The following NRXN3 variants were observed in gnomAD, a reference collection of about 807,000 sequenced individuals.
The protein encoded by NRXN3 is neurexin III.
In NRXN3, 32 loss-of-function variants were observed where a neutral mutation model predicts 137.6. The ratio of observed to expected loss-of-function variants is 0.23; its 90% confidence interval spans 0.18 to 0.31. NRXN3 has a LOEUF of 0.31. Among genes scored for constraint, NRXN3 ranks in the 10% least tolerant of loss-of-function variants. The pLI is 1.00. For missense variants in NRXN3, 1,574 were observed against 2,062.5 expected (o/e 0.76, Z 4.59); for synonymous variants, 798 against 784.5 (o/e 1.02, Z -0.29).
At chr14:79,688,089 A>G (rs1352151923) in intron 17 of NRXN3, among the ~76,000 whole-genome samples, 2 of 152,146 alleles carry the variant, frequency 1.3e-5, no homozygotes, top group African/African-American at 4.8e-5. Flanking sequence ...GAATATGGTC[A>G]TCTTTTGAAT....
intron 8 of NRXN3, among the ~76,000 whole-genome samples, chr14:78,743,479 T>C (rs1438297578): frequency 6.6e-6 from 1 of 152,210 alleles, no homozygotes; most frequent in African/African-American, 2.4e-5. Flanking sequence ...CTCCAAATTC[T>C]ATTCCTTTTG....
intron 10 of NRXN3, among the ~76,000 whole-genome samples, chr14:78,828,136 T>C (rs1355782054): frequency 6.6e-6 from 1 of 152,202 alleles, no homozygotes; most frequent in Admixed American, 6.5e-5. Flanking sequence ...CTTTCCCTTC[T>C]AAATCACCAC....
At chr14:79,254,322 C>T (rs1013900629) in intron 15 of NRXN3, among the ~76,000 whole-genome samples, 4 of 152,132 alleles carry the variant, frequency 2.6e-5, no homozygotes, top group African/African-American at 9.7e-5. Context: ...GGCAGAAACT[C>T]GCTTTTAGTA....
intron 15 of NRXN3, among the ~76,000 whole-genome samples, chr14:79,115,276 G>A (rs2054228438): frequency 7.0e-6 from 1 of 143,502 alleles, no homozygotes; most frequent in Admixed American, 7.3e-5. Context: ...GGTCAGCCGA[G>A]ATTGCGCCAT....
chr14:78,591,436 A>G (rs2097115279), intron 4 of NRXN3, among the ~76,000 whole-genome samples: 1 of 152,116 alleles, frequency 6.6e-6, no homozygotes, highest in South Asian at 2.1e-4. Context: ...TGTAGTGGAC[A>G]CTGGAGGAAG....
intron 15 of NRXN3, among the ~76,000 whole-genome samples, chr14:79,088,542 A>AGTTTGG (rs1256356875): frequency 6.6e-6 from 1 of 152,112 alleles, no homozygotes; most frequent in African/African-American, 2.4e-5. Flanking sequence ...ATCCTCCTTA[A>AGTTTGG]GAAAAACAAA....
chr14:78,782,457 G>T (rs570402432), intron 8 of NRXN3, among the ~76,000 whole-genome samples: 82 of 152,158 alleles, frequency 5.4e-4, no homozygotes, highest in Non-Finnish European at 1.0e-3. Flanking sequence ...AACGCCTCTG[G>T]TTGGAAAGGA....
At chr14:78,638,854 C>G (rs772156473) in intron 4 of NRXN3, among the ~76,000 whole-genome samples, 2 of 152,228 alleles carry the variant, frequency 1.3e-5, no homozygotes, top group Non-Finnish European at 2.9e-5. Context: ...GCCCCTCCAT[C>G]CCCCAGGAAT....
At chr14:79,494,598 C>G (rs2096748996) in intron 16 of NRXN3, among the ~76,000 whole-genome samples, 1 of 151,938 alleles carries the variant, frequency 6.6e-6, no homozygotes, top group Non-Finnish European at 1.5e-5. Context: ...TTGCAGTTGC[C>G]CTTTTATTGA....
chr14:79,604,013 G>A (rs965771757), intron 16 of NRXN3, among the ~76,000 whole-genome samples: 3 of 151,868 alleles, frequency 2.0e-5, no homozygotes, highest in African/African-American at 4.8e-5. Context: ...TCAGCCTCCC[G>A]AGTGGCTGGA....
At chr14:78,668,580 G>T (rs1181518548) in intron 6 of NRXN3, among the ~76,000 whole-genome samples, 1 of 152,106 alleles carries the variant, frequency 6.6e-6, no homozygotes, top group Non-Finnish European at 1.5e-5. Context: ...CAAGATTGTT[G>T]GTGCACTGTA....
At chr14:78,432,244 G>T (rs542611224) in intron 4 of NRXN3, among the ~76,000 whole-genome samples, 1 of 151,912 alleles carries the variant, frequency 6.6e-6, no homozygotes, top group Admixed American at 6.6e-5. Flanking sequence ...ACATGCCAAG[G>T]CTGCTCCTTA....
intron 10 of NRXN3, among the ~76,000 whole-genome samples, chr14:78,924,380 C>T (rs2099279241): frequency 6.6e-6 from 1 of 152,096 alleles, no homozygotes. Context: ...AAATAGATAT[C>T]ATAAGCCCTA....
chr14:79,399,763 G>A (rs985976566), intron 15 of NRXN3, among the ~76,000 whole-genome samples: 9 of 152,160 alleles, frequency 5.9e-5, no homozygotes, highest in African/African-American at 2.2e-4. Flanking sequence ...GTGAAAAACT[G>A]TGGCTGAAAA....
At position 79,772,301 on chromosome 14, in the gene NRXN3, A is replaced by C. The variant is rs919527369; in HGVS notation, c.4015-32811A>C. ...CTTTAAAGTTCATATGGAACCAAAA[A>C]AGAGCCCGCATCACCAAGTCAATCC... On this transcript the variant is annotated intron_variant, in intron 19 of 20. Transcript: ENST00000335750. Among the ~76,000 whole-genome samples the C allele has an allele frequency of 1.7e-3, 260 of 152,178 alleles. 2 individuals are homozygous for C. Among genetic ancestry groups the C allele is most frequent in the Non-Finnish European group, 1.8e-3 (121 of 67,984 alleles).
intron 2 of NRXN3, among the ~76,000 whole-genome samples, chr14:78,255,703 A>G (rs896223028): frequency 7.2e-5 from 11 of 152,230 alleles, no homozygotes; most frequent in Non-Finnish European, 2.9e-5. Context: ...ATGCACTTAC[A>G]GGCTTGTTTG....
chr14:79,615,048 T>C (rs2098140488), intron 16 of NRXN3, among the ~76,000 whole-genome samples: 1 of 152,140 alleles, frequency 6.6e-6, no homozygotes, highest in Admixed American at 6.6e-5. Context: ...ATTAGGAGTG[T>C]AGGATTGCAG....
chr14:78,818,206 G>A (rs2098940118), intron 10 of NRXN3, among the ~76,000 whole-genome samples: 2 of 151,916 alleles, frequency 1.3e-5, no homozygotes, highest in East Asian at 1.9e-4. Context: ...CACACACAAA[G>A]AGTGAGAGAG....
chr14:78,987,833 G>A (rs879796513), intron 14 of NRXN3, among the ~76,000 whole-genome samples, 189 bp from the exon 15 acceptor site: 1 of 152,134 alleles, frequency 6.6e-6, no homozygotes, highest in African/African-American at 2.4e-5. Context: ...GGCTAAGTGT[G>A]TATTTCCGTC....
Sources: allele counts gnomAD v4.1 joint callset (sites outside exome capture counted in the v4.1 genomes callset), GRCh38; gene constraint gnomAD v4.1.1; transcripts MANE v1.5; gene names NCBI Gene and HGNC (gene_info 2026-07-23, HGNC 2026-07-21).